SLC25A25: variants seen among roughly 807,000 people sequenced by gnomAD.
SLC25A25 encodes mitochondrial adenyl nucleotide antiporter SLC25A25.
In SLC25A25, 32 loss-of-function variants were observed where a neutral mutation model predicts 57.7. The ratio of observed to expected loss-of-function variants is 0.55; its 90% CI spans 0.42 to 0.74. The LOEUF (loss-of-function observed/expected upper bound fraction) is 0.74. SLC25A25 is among the 30% of genes least tolerant of loss of function. The probability of loss-of-function intolerance (pLI) is 0.00; values close to 1 mark genes in which losing one functional copy is unlikely to be tolerated. For synonymous variants in SLC25A25, 306 were observed against 291.2 expected (o/e 1.05, Z -0.52); for missense variants, 556 against 701.3 (o/e 0.79, Z 2.34).
intron 1 of SLC25A25, among the ~76,000 whole-genome samples, chr9:128,097,538 C>T (rs1317548227): frequency 6.6e-5 from 10 of 152,214 alleles, no homozygotes; most frequent in Admixed American, 3.9e-4. Context: ...AGGCAATTCT[C>T]GTGTCTCAGC....
At chr9:128,091,708 A>G in intron 1 of SLC25A25, 1 of 1,428,366 alleles carries the variant, frequency 7.0e-7, no homozygotes, top group Non-Finnish European at 9.1e-7. Context: ...CAGCAGTGCT[A>G]GCACATTTGA....
In SLC25A25 at chr9:128,107,834, C is replaced by G. The variant is rs572383902; in HGVS notation, c.*390C>G. On this transcript the variant is annotated 3_prime_UTR_variant, in exon 11 of 11. Transcript: ENST00000373069. Reference sequence around the variant, plus strand: ...GGCCCCTGCCCTCTGGTCTGCCGTGCATCTCCCTGTGCCCTCTTGCTGCCT... The same window carrying G: ...GGCCCCTGCCCTCTGGTCTGCCGTGGATCTCCCTGTGCCCTCTTGCTGCCT... 4.9e-6 allele frequency: 2 copies of G among 404,090 alleles called. No homozygotes were observed. The highest frequency in any genetic ancestry group is 2.6e-4 in the South Asian group (2 of 7,810). The allele number at this position is 404,090 out of a possible 1,614,324, so 25.0% of individuals were successfully genotyped here.
chr9:128,091,908 T>A (rs544466699), intron 1 of SLC25A25: 1 of 1,611,904 alleles, frequency 6.2e-7, no homozygotes, highest in East Asian at 2.2e-5. Flanking sequence ...GCTAGCTTTT[T>A]CCCCAGGGCT....
Position 128,103,819 on chromosome 9 carries a change from AGG to A in SLC25A25, c.764_765del (p.Arg255ThrfsTer56). ...CAGAACCTGCACGGCCCCCCTGGAC[AGG>A]CTCAAGGTGCTCATGCAGGTATGTA... ...VSRTCTAPLD[R>X]LKVLMQVHAS... On this transcript the variant is annotated frameshift_variant, in exon 6 of 11. Coordinates refer to ENST00000373069, the MANE Select transcript of SLC25A25 (RefSeq NM_001330988.2). LOFTEE classifies it high-confidence loss of function. The surrounding 1 kb of genome is among the most constrained non-coding windows in gnomAD (Gnocchi z 6.7). 1 of 1,605,004 alleles carries A rather than the reference AGG, an allele frequency of 6.2e-7. No homozygotes were observed. The highest frequency in any genetic ancestry group is 1.7e-5 in the Admixed American group (1 of 58,962).
intron 1 of SLC25A25, among the ~76,000 whole-genome samples, chr9:128,087,199 A>C (rs890613631): frequency 3.4e-5 from 5 of 148,454 alleles, no homozygotes; most frequent in African/African-American, 1.2e-4. Context: ...CAGCCTCCCA[A>C]AGTGCTGGGA....
intron 1 of SLC25A25, among the ~76,000 whole-genome samples, chr9:128,081,528 T>C (rs969894878): frequency 6.6e-5 from 10 of 152,088 alleles, no homozygotes; most frequent in African/African-American, 2.2e-4. Flanking sequence ...TTTTAGGTGA[T>C]TGGGTTGTCA....
At position 128,101,776 on chromosome 9, in the gene SLC25A25, T is replaced by C. The variant is rs1158325854; in HGVS notation, c.477-304T>C. ...CTTCCCCATGCTGGTAACTTGCACT[T>C]AACACTTTAGTCAGAGGCGCTGCCC... On this transcript the variant is annotated intron_variant, in intron 3 of 10. Coordinates refer to ENST00000373069, the MANE Select transcript of SLC25A25 (RefSeq NM_001330988.2). This position sits in a 1 kb window ranked among gnomAD's most constrained non-coding sequence, Gnocchi z 4.9. 6.6e-6 allele frequency among the ~76,000 whole-genome samples: 1 copy of C among 152,176 alleles called. No individual in the cohort carries two copies. The highest frequency in any genetic ancestry group is 1.9e-4 in the East Asian group (1 of 5,188).
intron 1 of SLC25A25, among the ~76,000 whole-genome samples, chr9:128,072,618 G>A (rs373374885): frequency 2.4e-4 from 36 of 152,298 alleles, no homozygotes; most frequent in African/African-American, 8.2e-4. Context: ...TAAAATGGAA[G>A]TGGGCAGAGA....
chr9:128,101,347 G>A lies in SLC25A25; in HGVS notation c.427G>A (p.Asp143Asn), dbSNP rs760327859. 1 of 1,614,260 alleles carries A rather than the reference G, an allele frequency of 6.2e-7. No individual in the cohort carries two copies. Among genetic ancestry groups the A allele is most frequent in the Non-Finnish European group, 8.5e-7 (1 of 1,180,050 alleles). ...DAQEIMQSLR[D>N]LGVKISEQQA... ...GCAGGAGATCATGCAGTCCCTGCGGGACTTGGGAGTCAAGATATCTGAACA... is the reference window on the plus strand; with the variant it reads ...GCAGGAGATCATGCAGTCCCTGCGGAACTTGGGAGTCAAGATATCTGAACA... Residue 143 changes from aspartate (D) to asparagine (N), a missense_variant, in exon 3 of 11, where the codon GAC becomes AAC. By Grantham distance (23) the Asp-to-Asn change is conservative. Transcript: ENST00000373069. This position sits in a 1 kb window ranked among gnomAD's most constrained non-coding sequence, Gnocchi z 4.9.
intron 1 of SLC25A25, among the ~76,000 whole-genome samples, chr9:128,088,840 T>C (rs981545522): frequency 2.6e-5 from 4 of 152,200 alleles, no homozygotes; most frequent in African/African-American, 9.7e-5. Flanking sequence ...CTCTTATGTG[T>C]GTAGATGGGA....
Position 128,107,677 on chromosome 9 carries a change from C to T in SLC25A25, c.*233C>T. ...GAAGACCACAGGCATTCCTTAGGGT[C>T]CAGGGTCAGCAGGCTCCGGGCTCAC... On this transcript the variant is annotated 3_prime_UTR_variant, in exon 11 of 11. Transcript: ENST00000373069. The T allele has an allele frequency of 4.5e-6, 2 of 447,656 alleles. No individual in the cohort carries two copies. The highest frequency in any genetic ancestry group is 7.8e-6 in the Non-Finnish European group (2 of 257,536). The allele number at this position is 447,656 out of a possible 1,614,324, so 27.7% of individuals were successfully genotyped here.
intron 1 of SLC25A25, among the ~76,000 whole-genome samples, chr9:128,097,905 C>A (rs955566013): frequency 3.3e-5 from 5 of 152,292 alleles, no homozygotes; most frequent in Admixed American, 3.3e-4. Context: ...GAGCAGGAGC[C>A]AGCTAGAACT....
intron 1 of SLC25A25, among the ~76,000 whole-genome samples, chr9:128,073,798 G>GCA: frequency 6.8e-6 from 1 of 148,070 alleles, no homozygotes; most frequent in East Asian, 2.0e-4. Context: ...GCAGTGGCGT[G>GCA]ATCTCAGCTC....
intron 1 of SLC25A25, among the ~76,000 whole-genome samples, chr9:128,071,062 G>A (rs1190910797): frequency 6.6e-6 from 1 of 152,196 alleles, no homozygotes. Flanking sequence ...ATTGCTGCCA[G>A]GCACATTGAG....
chr9:128,096,707 G>A (rs980810406), intron 1 of SLC25A25, among the ~76,000 whole-genome samples: 11 of 152,196 alleles, frequency 7.2e-5, no homozygotes, highest in African/African-American at 2.7e-4. Context: ...AAGGCAGGAG[G>A]TTATTTCCAG....
chr9:128,102,281 A>G lies in SLC25A25; in HGVS notation c.513-89A>G. ...CCTCGTGTGGTTTCTGGGCATCCGAATGCCTGCCCTTGGCTCACTGGGAGG... is the reference window on the plus strand; with the variant it reads ...CCTCGTGTGGTTTCTGGGCATCCGAGTGCCTGCCCTTGGCTCACTGGGAGG... On this transcript the variant is annotated intron_variant, in intron 4 of 10. Transcript: ENST00000373069. This position sits in a 1 kb window ranked among gnomAD's most constrained non-coding sequence, Gnocchi z 4.1. 4 of 1,440,862 alleles carry G rather than the reference A, an allele frequency of 2.8e-6. No homozygotes were observed. The highest frequency in any genetic ancestry group is 3.9e-6 in the Non-Finnish European group (4 of 1,036,560). 89.3% of individuals were successfully genotyped at this position (1,440,862 alleles called of 1,614,324 possible).
At chr9:128,077,085 T>TC in intron 1 of SLC25A25, among the ~76,000 whole-genome samples, 1 of 152,210 alleles carries the variant, frequency 6.6e-6, no homozygotes, top group East Asian at 1.9e-4. Flanking sequence ...GGTCTTATCT[T>TC]CCTATAATCT....
chr9:128,106,325 C>T, intron 8 of SLC25A25, 28 bp from the exon 9 acceptor site: 1 of 1,613,732 alleles, frequency 6.2e-7, no homozygotes. Context: ...AGGCTGTGCT[C>T]ACGCGTCCCG....
intron 1 of SLC25A25, chr9:128,092,168 G>A: frequency 6.6e-7 from 1 of 1,526,106 alleles, no homozygotes; most frequent in Non-Finnish European, 8.8e-7. Flanking sequence ...CGAGTGTGGG[G>A]AGGAAGGGAG....
Sources: gnomAD v4.1 joint callset for allele counts (sites outside exome capture counted in the v4.1 genomes callset) on GRCh38, gnomAD v4.1.1 for gene constraint, Gnocchi (gnomAD v3.1) non-coding constraint, MANE v1.5 for transcripts, NCBI Gene and HGNC (gene_info 2026-07-23, HGNC 2026-07-21) for gene names.